CASK: variants seen among roughly 807,000 people sequenced by gnomAD.
CASK encodes calcium/calmodulin dependent serine protein kinase.
A neutral mutation model predicts 82.9 loss-of-function variants in CASK; 4 were observed. The observed-to-expected ratio is 0.05, with a 90% CI of 0.02 to 0.11. CASK has a LOEUF of 0.11. Among genes scored for constraint, CASK ranks in the 10% least tolerant of loss-of-function variants. The pLI is 1.00. For synonymous variants in CASK, 259 were observed against 253.5 expected (o/e 1.02, Z -0.20); for missense variants, 358 against 720.9 (o/e 0.50, Z 5.76).
At chrX:41,863,382 GA>G (rs2071529382) in intron 1 of CASK, among the ~76,000 whole-genome samples, 1 of 111,696 alleles carries the variant, frequency 9.0e-6, no homozygotes, top group African/African-American at 3.3e-5. Context: ...CAGAGCCCCA[GA>G]AAACATGAAT....
At chrX:41,705,425 T>G (rs1387551969) in intron 5 of CASK, among the ~76,000 whole-genome samples, 2 of 111,363 alleles carry the variant, frequency 1.8e-5, no homozygotes, top group Non-Finnish European at 3.8e-5. Flanking sequence ...CATGGTGGCA[T>G]GTGCCTGTAG....
intron 12 of CASK, among the ~76,000 whole-genome samples, chrX:41,597,140 A>T (rs2147250248): frequency 8.9e-6 from 1 of 112,388 alleles, no homozygotes; most frequent in African/African-American, 3.2e-5. Flanking sequence ...TATGTGCAGT[A>T]TTTATCAAGA....
chrX:41,585,013 A>C (rs943254136), intron 14 of CASK: 1 of 112,587 alleles, frequency 8.9e-6, no homozygotes, highest in Non-Finnish European at 1.9e-5. Context: ...TGGGATATGG[A>C]AGGACAAAGA....
intron 2 of CASK, among the ~76,000 whole-genome samples, chrX:41,850,959 A>G: frequency 1.8e-5 from 2 of 112,206 alleles, no homozygotes. Flanking sequence ...ATCGCAAGAA[A>G]AAAAGGTAGA....
intron 5 of CASK, among the ~76,000 whole-genome samples, chrX:41,673,829 GTTTT>G (rs887137250): frequency 2.0e-5 from 1 of 51,043 alleles, no homozygotes; most frequent in East Asian, 6.9e-4. Context: ...AACTCTGGGT[GTTTT>G]TTTTTTTTTT....
chrX:41,869,354 T>C (rs113362991), intron 1 of CASK, among the ~76,000 whole-genome samples: 1,157 of 111,933 alleles, frequency 0.01, 14 homozygotes, highest in African/African-American at 0.035. Flanking sequence ...TGGCTCTCTT[T>C]TATCTGGTGG....
intron 5 of CASK, among the ~76,000 whole-genome samples, chrX:41,680,327 C>T (rs2067329959): frequency 9.1e-6 from 1 of 109,890 alleles, no homozygotes; most frequent in African/African-American, 3.3e-5. Flanking sequence ...ACTAAAAATA[C>T]AAAAATTTGC....
chrX:41,639,825 C>T (rs781485819), intron 8 of CASK, among the ~76,000 whole-genome samples: 1 of 111,648 alleles, frequency 9.0e-6, no homozygotes, highest in South Asian at 3.8e-4. Flanking sequence ...TAAATTGAAT[C>T]ATATAGTATG....
At chrX:41,907,610 C>T (rs1298362096) in intron 1 of CASK, among the ~76,000 whole-genome samples, 1 of 111,378 alleles carries the variant, frequency 9.0e-6, no homozygotes, top group Non-Finnish European at 1.9e-5. Flanking sequence ...CTAAGATTGC[C>T]CGAAATATTC....
chrX:41,769,943 T>TCAACAA (rs753101943), intron 3 of CASK, among the ~76,000 whole-genome samples: 1 of 110,374 alleles, frequency 9.1e-6, no homozygotes, highest in African/African-American at 3.3e-5. Context: ...AGACCCTGTC[T>TCAACAA]CAACAACAAC....
At chrX:41,830,123 C>T (rs2070764226) in intron 2 of CASK, among the ~76,000 whole-genome samples, 1 of 108,407 alleles carries the variant, frequency 9.2e-6, no homozygotes, top group Admixed American at 1.0e-4. Context: ...CCTTACCCTC[C>T]CAAGCAGCTA....
intron 2 of CASK, among the ~76,000 whole-genome samples, chrX:41,840,745 G>A (rs1290604076): frequency 1.8e-5 from 2 of 111,284 alleles, no homozygotes; most frequent in African/African-American, 6.5e-5. Flanking sequence ...TCAAGTTGAG[G>A]GTGTTAGATT....
chrX:41,792,289 ATTTT>A (rs757353818), intron 2 of CASK, among the ~76,000 whole-genome samples: 3 of 91,404 alleles, frequency 3.3e-5, no homozygotes, highest in African/African-American at 4.0e-5. Context: ...TTCAATAAGG[ATTTT>A]TTTTTTTTTT....
chrX:41,735,395 T>C (rs2068478432), intron 5 of CASK, among the ~76,000 whole-genome samples: 1 of 111,266 alleles, frequency 9.0e-6, no homozygotes, highest in Non-Finnish European at 1.9e-5. Context: ...CAAGTGAAAA[T>C]TTACATTATT....
At chrX:41,535,697 G>A (rs2064865134) in intron 22 of CASK, among the ~76,000 whole-genome samples, 1 of 111,984 alleles carries the variant, frequency 8.9e-6, no homozygotes, top group South Asian at 3.7e-4. Flanking sequence ...GGATCAGGAT[G>A]GAAAGAATCA....
At position 41,796,387 on chromosome X, in the gene CASK, CTATGTT is replaced by C. The variant is rs2069853588; in HGVS notation, c.173-9110_173-9105del. 2.7e-5 allele frequency among the ~76,000 whole-genome samples: 3 copies of C among 112,318 alleles called. No individual in the cohort carries two copies. In the South Asian group the frequency reaches 1.1e-3, roughly 42 times the overall value. On this transcript the variant is annotated intron_variant, in intron 2 of 26. Coordinates refer to ENST00000378163, the MANE Select transcript of CASK (RefSeq NM_001367721.1). ...TTCATCATTTTTGGTGGAAATCATT[CTATGTT>C]TAACAAATGTCAATCAAACCGAGTT...
chrX:41,830,760 C>G lies in CASK; in HGVS notation c.172+22355G>C, dbSNP rs751355650. 7.6e-3 allele frequency among the ~76,000 whole-genome samples: 743 copies of G among 97,710 alleles called. 8 individuals are homozygous for G. Among genetic ancestry groups the G allele is most frequent in the Non-Finnish European group, 0.011 (571 of 49,842 alleles). The allele number at this position is 97,710 out of a possible 115,157, so 84.8% of individuals were successfully genotyped here. A position where few individuals can be genotyped will look rare whatever the true frequency, so the allele number is the denominator to read the frequency against. On this transcript the variant is annotated intron_variant, in intron 2 of 26. Transcript: ENST00000378163. ...GCGTGAACCCAGGAGGCGGAGCTTG[C>G]AGTGAGCCGAGATCGCGCCACTGCA... is the stretch of plus-strand genomic sequence containing the variant.
At chrX:41,566,949 C>T (rs1402782543) in intron 16 of CASK, among the ~76,000 whole-genome samples, 1 of 112,049 alleles carries the variant, frequency 8.9e-6, no homozygotes, top group Non-Finnish European at 1.9e-5. Flanking sequence ...CTACAACCAT[C>T]TGATCTTTGA....
chrX:41,557,911 T>C (rs1229356892), intron 18 of CASK, among the ~76,000 whole-genome samples: 1 of 111,531 alleles, frequency 9.0e-6, no homozygotes, highest in Admixed American at 9.5e-5. Context: ...TTCTGTAGAG[T>C]TCTTTTAAGC....
Sources: gnomAD v4.1 joint callset for allele counts (sites outside exome capture counted in the v4.1 genomes callset) on GRCh38, gnomAD v4.1.1 for gene constraint, MANE v1.5 for transcripts, NCBI Gene and HGNC (gene_info 2026-07-23, HGNC 2026-07-21) for gene names.